ADGRB1: variants seen among roughly 807,000 people sequenced by gnomAD.
ADGRB1 encodes the protein brain-specific angiogenesis inhibitor 1.
ADGRB1 carries 36 observed loss-of-function variants against 175.7 expected under a neutral mutation model. That is an observed-to-expected ratio of 0.20 (90% confidence interval 0.16 to 0.27). ADGRB1 has a LOEUF of 0.27. Among genes scored for constraint, ADGRB1 ranks in the 10% least tolerant of loss-of-function variants. The pLI, the probability that ADGRB1 is intolerant of heterozygous loss-of-function variation, is 1.00. For missense variants in ADGRB1, 1,731 were observed against 2,255.3 expected (o/e 0.77, Z 4.71); for synonymous variants, 1,054 against 979.4 (o/e 1.08, Z -1.42).
intron 1 of ADGRB1, among the ~76,000 whole-genome samples, chr8:142,462,830 G>C (rs1840041128): frequency 6.6e-6 from 1 of 152,210 alleles, no homozygotes; most frequent in Non-Finnish European, 1.5e-5. Context: ...GGGGTGGTGA[G>C]GAGACTGAGG....
At chr8:142,517,020 C>G (rs1344132768) in intron 18 of ADGRB1, among the ~76,000 whole-genome samples, 7 of 152,158 alleles carry the variant, frequency 4.6e-5, no homozygotes, top group Non-Finnish European at 4.4e-5. Context: ...GGCCCAGGCC[C>G]TTTTGAGGAG....
intron 1 of ADGRB1, among the ~76,000 whole-genome samples, chr8:142,461,608 C>T (rs965689631): frequency 6.6e-6 from 1 of 152,216 alleles, no homozygotes; most frequent in African/African-American, 2.4e-5. Flanking sequence ...GCTCCTGGCA[C>T]CGCAGGCCCC....
rs1274949532 is a variant in ADGRB1 at position 142,542,743 on chromosome 8, G to A, written c.4413+96G>A. The A allele has an allele frequency of 1.0e-5, 12 of 1,191,360 alleles. No homozygotes were observed. Among genetic ancestry groups the A allele is most frequent in the Middle Eastern group, 2.1e-4 (1 of 4,800 alleles). The allele number at this position is 1,191,360 out of a possible 1,614,324, so 73.8% of individuals were successfully genotyped here. ...TGGGTGGGACCCCCACGCCGTCAGC[G>A]GGGCGGGCTGGCTCTGCCTCCTAGC... On this transcript the variant is annotated intron_variant, in intron 28 of 30. Transcript: ENST00000517894. This position sits in a 1 kb window ranked among gnomAD's most constrained non-coding sequence, Gnocchi z 6.3.
intron 1 of ADGRB1, among the ~76,000 whole-genome samples, chr8:142,460,219 T>C (rs1839903996): frequency 6.6e-6 from 1 of 152,062 alleles, no homozygotes; most frequent in South Asian, 2.1e-4. Flanking sequence ...GCAGGAGACC[T>C]CGGCTGGCTC....
chr8:142,513,349 CA>C (rs1367223624), intron 18 of ADGRB1, among the ~76,000 whole-genome samples: 1 of 152,186 alleles, frequency 6.6e-6, no homozygotes, highest in Admixed American at 6.5e-5. Flanking sequence ...AGGAAGAAGC[CA>C]GGGTGGTTAC....
chr8:142,501,830 G>A (rs56403335), intron 17 of ADGRB1, among the ~76,000 whole-genome samples: 2 of 58,770 alleles, frequency 3.4e-5, no homozygotes, highest in South Asian at 9.4e-4. Flanking sequence ...TGATGATGGG[G>A]TGGTGGTATT....
At chr8:142,533,625 C>A (rs1269289124) in intron 25 of ADGRB1, among the ~76,000 whole-genome samples, 159 bp downstream of exon 25, 1 of 151,844 alleles carries the variant, frequency 6.6e-6, no homozygotes, top group Admixed American at 6.6e-5. Flanking sequence ...CAGAGCGGGG[C>A]CTGCAGGTGA....
At chr8:142,456,917 T>A (rs2131632492) in intron 1 of ADGRB1, among the ~76,000 whole-genome samples, 1 of 152,346 alleles carries the variant, frequency 6.6e-6, no homozygotes, top group Non-Finnish European at 1.5e-5. Flanking sequence ...ACCAGCCTGG[T>A]GGGCAGCCCT....
intron 1 of ADGRB1, among the ~76,000 whole-genome samples, chr8:142,463,308 G>A (rs1840068597): frequency 6.6e-6 from 1 of 152,190 alleles, no homozygotes; most frequent in African/African-American, 2.4e-5. Flanking sequence ...GCTGCAGAGG[G>A]CAGTCTTGGG....
At chr8:142,491,183 C>G (rs990558151) in intron 17 of ADGRB1, among the ~76,000 whole-genome samples, 1 of 152,220 alleles carries the variant, frequency 6.6e-6, no homozygotes. Flanking sequence ...TGAGGGGCTG[C>G]GAAAGCTTCC....
rs1845378247 is a variant in ADGRB1, at chr8:142,543,071, T to G, written c.4414-332T>G. On this transcript the variant is annotated intron_variant, in intron 28 of 30. Transcript: ENST00000517894. The surrounding 1 kb of genome is among the most constrained non-coding windows in gnomAD (Gnocchi z 4.4). ...TATGCTCCCACCATATCCTGGCTCC[T>G]GGCCTCTGGTGATGCTGCCCTGTGT... Among the ~76,000 whole-genome samples the G allele has an allele frequency of 6.6e-6, 1 of 152,192 alleles. No homozygotes were observed. Among genetic ancestry groups the G allele is most frequent in the African/African-American group, 2.4e-5 (1 of 41,458 alleles).
Position 142,483,341 on chromosome 8 carries a change from C to T in ADGRB1, c.2131-636C>T, listed in dbSNP as rs184091812. On this transcript the variant is annotated intron_variant, in intron 11 of 30. Transcript: ENST00000517894. ...TCACATGCTGAACCCTGACCCTGGT[C>T]ACACTGAGCCCTGACCCTGGTCACA... 5.2e-3 allele frequency among the ~76,000 whole-genome samples: 483 copies of T among 93,490 alleles called. 6 individuals carry two copies. Among genetic ancestry groups the T allele is most frequent in the Admixed American group, 0.015 (125 of 8,540 alleles). 61.3% of individuals were successfully genotyped at this position (93,490 alleles called of 152,430 possible). A position where few individuals can be genotyped will look rare whatever the true frequency, so the allele number is the denominator to read the frequency against.
At position 142,489,023 on chromosome 8, in the gene ADGRB1, A is replaced by T. The variant is rs1841852577; in HGVS notation, c.2453-12A>T. 8.1e-6 allele frequency: 13 copies of T among 1,610,796 alleles called. No individual in the cohort carries two copies. Among genetic ancestry groups the T allele is most frequent in the Non-Finnish European group, 1.1e-5 (13 of 1,179,246 alleles). On this transcript the variant is annotated splice_polypyrimidine_tract_variant and intron_variant, in intron 14 of 30. Coordinates refer to ENST00000517894, the MANE Select transcript of ADGRB1 (RefSeq NM_001702.3). ...GATGGCGGGCCGGGGTTGACAGTGC[A>T]CTTTCTTCCAGAGGCCGATGAAGCA... is the stretch of plus-strand genomic sequence containing the variant.
In ADGRB1 at chr8:142,522,716, T is replaced by C; in HGVS notation, c.3245+6T>C. 6.6e-7 allele frequency: 1 copy of C among 1,508,402 alleles called. No individual in the cohort carries two copies. Among genetic ancestry groups the C allele is most frequent in the South Asian group, 1.3e-5 (1 of 75,760 alleles). 93.4% of individuals were successfully genotyped at this position (1,508,402 alleles called of 1,614,324 possible). A position where few individuals can be genotyped will look rare whatever the true frequency, so the allele number is the denominator to read the frequency against. ...GGGTACAGCACCATGAACTAGTGAG[T>C]CGGGGCATTGGGGGTGTGGTGGATG... On this transcript the variant is annotated splice_donor_region_variant and intron_variant, in intron 22 of 30. Transcript: ENST00000517894.
At chr8:142,521,821 G>C in intron 20 of ADGRB1, 144 bp from the exon 21 acceptor site, 3 of 889,838 alleles carry the variant, frequency 3.4e-6, no homozygotes, top group Non-Finnish European at 5.1e-6. Flanking sequence ...GGTGATCTCT[G>C]GATTGCCTTC....
chr8:142,519,605 A>AGTGATGGTGGTG (rs1258945748), intron 19 of ADGRB1, among the ~76,000 whole-genome samples: 1 of 85,178 alleles, frequency 1.2e-5, no homozygotes, highest in African/African-American at 4.9e-5. Flanking sequence ...TGGTGATGGT[A>AGTGATGGTGGTG]GTGATGGTGG....
chr8:142,484,723 T>A lies in ADGRB1; in HGVS notation c.2267T>A (p.Met756Lys), dbSNP rs1376211947. 6.2e-7 allele frequency: 1 copy of A among 1,611,682 alleles called. No homozygotes were observed. The highest frequency in any genetic ancestry group is 1.3e-5 in the African/African-American group (1 of 74,882). Reference sequence around the variant, plus strand: ...TTTGTGGACGTCATCGGCTTCCGCATGAAGGACCTGAGGGATGCATACCAG... The same window carrying A: ...TTTGTGGACGTCATCGGCTTCCGCAAGAAGGACCTGAGGGATGCATACCAG... ...EDFVDVIGFR[M>K]KDLRDAYQVT... The change falls in exon 13 of 31, where the codon ATG becomes AAG. Residue 756 changes from methionine (M) to lysine (K), a missense_variant. Coordinates refer to ENST00000517894, the MANE Select transcript of ADGRB1 (RefSeq NM_001702.3).
chr8:142,526,706 C>T (rs977874693), intron 24 of ADGRB1, 79 bp downstream of exon 24: 26 of 1,351,906 alleles, frequency 1.9e-5, no homozygotes, highest in African/African-American at 5.8e-5. Flanking sequence ...GGATGGAGAA[C>T]GCTCCATGCC....
In ADGRB1 at chr8:142,510,565, C is replaced by T. The variant is rs545587876; in HGVS notation, c.2676-367C>T. Among the ~76,000 whole-genome samples, 3,113 of 148,528 alleles carry T rather than the reference C, an allele frequency of 0.021. 76 individuals are homozygous for T. Among genetic ancestry groups the T allele is most frequent in the African/African-American group, 0.053 (2,195 of 41,066 alleles). ...GGCCTCCCCCTCCTTCCCGCGCGGG[C>T]CGGGGGCGCGGGCCCCGGAGGAGCT... On this transcript the variant is annotated intron_variant, in intron 17 of 30. Transcript: ENST00000517894. This position sits in a 1 kb window ranked among gnomAD's most constrained non-coding sequence, Gnocchi z 6.3.
Sources: allele counts gnomAD v4.1 joint callset (sites outside exome capture counted in the v4.1 genomes callset), GRCh38; gene constraint gnomAD v4.1.1; non-coding constraint Gnocchi (gnomAD v3.1); transcripts MANE v1.5; gene names NCBI Gene and HGNC (gene_info 2026-07-23, HGNC 2026-07-21).